Variants in TEX9 observed in about 807,000 individuals in gnomAD.
TEX9 encodes the protein testis expressed 9.
Under a neutral mutation model 59.6 loss-of-function variants are expected in TEX9, and 74 were observed. The observed-to-expected ratio is 1.24, with a 90% CI of 1.03 to 1.51. TEX9 has a LOEUF of 1.51. TEX9 is among the 40% of genes most tolerant of loss of function. TEX9 has a pLI of 0.00. For missense variants in TEX9, 522 were observed against 447.8 expected (o/e 1.17, Z -1.49); for synonymous variants, 186 against 152.2 (o/e 1.22, Z -1.64).
intron 1 of TEX9, among the ~76,000 whole-genome samples, chr15:56,244,941 A>G (rs1243626001): frequency 4.6e-5 from 7 of 152,100 alleles, no homozygotes; most frequent in South Asian, 4.1e-4. Flanking sequence ...GATGTAGAAT[A>G]CAACAGCCAA....
At chr15:56,415,159 C>T (rs1327446193) in intron 10 of TEX9, among the ~76,000 whole-genome samples, 1 of 151,778 alleles carries the variant, frequency 6.6e-6, no homozygotes, top group Admixed American at 6.6e-5. Context: ...GCATAGTTTG[C>T]AAAAATTTTC....
intron 9 of TEX9, among the ~76,000 whole-genome samples, chr15:56,403,467 C>G (rs575351729): frequency 1.9e-4 from 29 of 152,216 alleles, no homozygotes; most frequent in African/African-American, 7.0e-4. Context: ...AACCACTGCT[C>G]AATGAAATAA....
chr15:56,404,171 A>G (rs1335157200), intron 9 of TEX9, among the ~76,000 whole-genome samples: 5 of 152,226 alleles, frequency 3.3e-5, no homozygotes, highest in Admixed American at 3.3e-4. Flanking sequence ...GCACATCAAA[A>G]GAAACTACCA....
In TEX9 at chr15:56,345,815, A is replaced by C. The variant is rs146104062; in HGVS notation, c.-106-27626A>C. The stretch of plus-strand genomic sequence containing the variant: ...ATAAACTAGTAATAGCTTTGGGGCA[A>C]GGAACAACTTGGAGTCAGAAGTGCT... On this transcript the variant is annotated intron_variant, in intron 1 of 5. Coordinates refer to the TEX9 transcript ENST00000560827. Among the ~76,000 whole-genome samples, 15 of 152,350 alleles carry C rather than the reference A, an allele frequency of 9.8e-5. 1 individual carries two copies. The highest frequency in any genetic ancestry group is 3.6e-4 in the African/African-American group (15 of 41,588).
At chr15:56,327,293 G>C (rs566573182) in intron 1 of TEX9, among the ~76,000 whole-genome samples, 1 of 151,998 alleles carries the variant, frequency 6.6e-6, no homozygotes, top group African/African-American at 2.4e-5. Flanking sequence ...GATTAGTTCC[G>C]GGTTTTTGCT....
chr15:56,409,349 C>G (rs2049235830), intron 9 of TEX9, among the ~76,000 whole-genome samples: 1 of 152,200 alleles, frequency 6.6e-6, no homozygotes, highest in Non-Finnish European at 1.5e-5. Flanking sequence ...GCCCACTTCT[C>G]TTATCAAAAC....
chr15:56,375,124 C>A (rs1263436139), intron 3 of TEX9, among the ~76,000 whole-genome samples: 1 of 152,092 alleles, frequency 6.6e-6, no homozygotes, highest in African/African-American at 2.4e-5. Context: ...AGTTTACAGT[C>A]CCACCAACAG....
intron 1 of TEX9, among the ~76,000 whole-genome samples, chr15:56,247,371 T>G (rs1227090044): frequency 6.6e-6 from 1 of 152,154 alleles, no homozygotes; most frequent in Non-Finnish European, 1.5e-5. Context: ...GGAGTCATAA[T>G]GGAGGGAGGG....
At chr15:56,364,965 C>T (rs893033855), upstream of TEX9, among the ~76,000 whole-genome samples, 4 of 152,128 alleles carry the variant, frequency 2.6e-5, no homozygotes, top group Admixed American at 6.5e-5. Flanking sequence ...AGTGGCAGTG[C>T]CAGGATAATA....
intron 1 of TEX9, among the ~76,000 whole-genome samples, chr15:56,329,430 C>A (rs142577619): frequency 4.6e-5 from 7 of 152,032 alleles, no homozygotes; most frequent in Non-Finnish European, 1.0e-4. Context: ...TGACACCAAA[C>A]GAACTAAATG....
intron 1 of TEX9, among the ~76,000 whole-genome samples, chr15:56,333,627 G>A (rs2046202381): frequency 6.6e-6 from 1 of 152,074 alleles, no homozygotes; most frequent in Non-Finnish European, 1.5e-5. Flanking sequence ...AGACAAAGAT[G>A]CCCACTTGCA....
intron 1 of TEX9, among the ~76,000 whole-genome samples, chr15:56,259,457 GTCT>G (rs2044215916): frequency 6.6e-6 from 1 of 151,916 alleles, no homozygotes; most frequent in South Asian, 2.1e-4. Flanking sequence ...TAAGGTTAAA[GTCT>G]GTTTCATGTG....
At chr15:56,303,133 C>T (rs951595061) in intron 1 of TEX9, among the ~76,000 whole-genome samples, 7 of 152,208 alleles carry the variant, frequency 4.6e-5, no homozygotes, top group Non-Finnish European at 7.3e-5. Context: ...CACCAACTTA[C>T]AGCATTGGAC....
chr15:56,433,894 A>C (rs1166857715), intron 12 of TEX9, among the ~76,000 whole-genome samples: 2 of 152,160 alleles, frequency 1.3e-5, no homozygotes, highest in East Asian at 3.8e-4. Flanking sequence ...CCATAAATTC[A>C]TAAGTGACAT....
At chr15:56,287,506 G>A (rs78673996) in intron 1 of TEX9, among the ~76,000 whole-genome samples, 6,706 of 152,070 alleles carry the variant, frequency 0.044, 224 homozygotes, top group Admixed American at 0.087. Context: ...ATTTAACATC[G>A]TAGTACCTCA....
At chr15:56,295,061 A>G (rs2045186408) in intron 1 of TEX9, among the ~76,000 whole-genome samples, 1 of 152,108 alleles carries the variant, frequency 6.6e-6, no homozygotes, top group African/African-American at 2.4e-5. Flanking sequence ...TTCCTTAACT[A>G]GTAATAAACT....
intron 1 of TEX9, among the ~76,000 whole-genome samples, chr15:56,301,815 A>T (rs1481888302): frequency 2.0e-5 from 3 of 152,206 alleles, no homozygotes; most frequent in Non-Finnish European, 2.9e-5. Context: ...AATCTGAAAG[A>T]AAAGGACATT....
At chr15:56,290,876 C>A (rs1452338621) in intron 1 of TEX9, among the ~76,000 whole-genome samples, 1 of 151,304 alleles carries the variant, frequency 6.6e-6, no homozygotes, top group African/African-American at 2.4e-5. Flanking sequence ...TTGTGACTAG[C>A]TGTCATTGTT....
At chr15:56,282,694 G>A (rs1020820958) in intron 1 of TEX9, among the ~76,000 whole-genome samples, 4 of 152,262 alleles carry the variant, frequency 2.6e-5, no homozygotes, top group South Asian at 4.1e-4. Flanking sequence ...CTGAAGGGTG[G>A]TTTAGAGTTA....
Sources: gnomAD v4.1 joint callset for allele counts (sites outside exome capture counted in the v4.1 genomes callset) on GRCh38, gnomAD v4.1.1 for gene constraint, MANE v1.5 for transcripts, NCBI Gene and HGNC (gene_info 2026-07-23, HGNC 2026-07-21) for gene names.